The following MCU variants were observed in gnomAD, a reference collection of about 807,000 sequenced individuals.
The protein encoded by MCU is mitochondrial calcium uniporter.
A neutral mutation model predicts 45.2 loss-of-function variants in MCU; 12 were observed. That is an observed-to-expected ratio of 0.27 (90% CI 0.17 to 0.43). MCU has a LOEUF of 0.43. Ranked by LOEUF, MCU falls within the 20% of genes least tolerant of loss-of-function variation. MCU has a pLI of 1.00. For synonymous variants in MCU, 160 were observed against 165.1 expected, an observed-to-expected ratio of 0.97 and a Z score of 0.24; for missense variants, 324 against 436.7, an observed-to-expected ratio of 0.74 and a Z score of 2.30.
intron 1 of MCU, among the ~76,000 whole-genome samples, chr10:72,700,085 G>A (rs1278044307): frequency 1.4e-5 from 2 of 146,518 alleles, no homozygotes; most frequent in Non-Finnish European, 3.0e-5. Flanking sequence ...TTGAGATGGA[G>A]TTTCGCTGTT....
rs548177408 is a variant in MCU at position 72,805,178 on chromosome 10, T to C, written c.151-29181T>C. On this transcript the variant is annotated intron_variant, in intron 1 of 7. Transcript: ENST00000373053. ...TTCTTTCTGTCTCTCTCTCTCTCTC[T>C]TTCCTTCCTTCCTTCCTTCCTTCCT... Among the ~76,000 whole-genome samples, 20 of 140,426 alleles carry C rather than the reference T, an allele frequency of 1.4e-4. 2 individuals are homozygous for C. Among genetic ancestry groups the C allele is most frequent in the African/African-American group, 5.6e-4 (18 of 32,314 alleles). 92.1% of individuals were successfully genotyped at this position (140,426 alleles called of 152,430 possible). A position where few individuals can be genotyped will look rare whatever the true frequency, so the allele number is the denominator to read the frequency against.
chr10:72,806,806 C>T (rs957869857), intron 1 of MCU, among the ~76,000 whole-genome samples: 4 of 152,062 alleles, frequency 2.6e-5, no homozygotes, highest in Admixed American at 6.6e-5. Context: ...TGAGAAGGAA[C>T]CAATCATGCA....
chr10:72,860,161 G>A, intron 3 of MCU: 2 of 372,010 alleles, frequency 5.4e-6, no homozygotes, highest in Non-Finnish European at 1.0e-5. Flanking sequence ...GATTTCCAAT[G>A]TACACCTATA....
chr10:72,758,119 T>A (rs1388994881), intron 1 of MCU, among the ~76,000 whole-genome samples: 2 of 152,210 alleles, frequency 1.3e-5, no homozygotes, highest in African/African-American at 4.8e-5. Flanking sequence ...TTGTCTCCAG[T>A]AAAGGAGAAT....
At chr10:72,694,424 T>A (rs1463957011) in intron 1 of MCU, among the ~76,000 whole-genome samples, 1 of 152,246 alleles carries the variant, frequency 6.6e-6, no homozygotes, top group East Asian at 1.9e-4. Flanking sequence ...GTTCTTTTCA[T>A]TGTAAAGTGC....
intron 2 of MCU, among the ~76,000 whole-genome samples, chr10:72,843,690 G>GT (rs1304607147): frequency 1.3e-5 from 2 of 152,104 alleles, no homozygotes; most frequent in African/African-American, 4.8e-5. Context: ...GTAGCAATAT[G>GT]TTTATTTTTG....
chr10:72,843,333 C>G (rs1375990800), intron 2 of MCU, among the ~76,000 whole-genome samples: 1 of 152,192 alleles, frequency 6.6e-6, no homozygotes, highest in African/African-American at 2.4e-5. Context: ...TAACTCCTGG[C>G]AGGCAGGTAC....
intron 4 of MCU, among the ~76,000 whole-genome samples, chr10:72,864,083 G>A (rs2132875207): frequency 6.6e-6 from 1 of 152,250 alleles, no homozygotes; most frequent in Admixed American, 6.5e-5. Context: ...GCATAAAATT[G>A]ACTCTGGTAC....
chr10:72,722,409 T>G (rs1180365884), intron 1 of MCU, among the ~76,000 whole-genome samples: 2 of 151,736 alleles, frequency 1.3e-5, no homozygotes, highest in Non-Finnish European at 1.5e-5. Flanking sequence ...TCTTTTTCTT[T>G]TCTGTTTTAT....
intron 1 of MCU, among the ~76,000 whole-genome samples, chr10:72,815,586 A>G (rs907333095): frequency 6.6e-6 from 1 of 152,192 alleles, no homozygotes; most frequent in African/African-American, 2.4e-5. Flanking sequence ...CAATAGAGGA[A>G]TGTTGACCAT....
chr10:72,823,711 G>C (rs1283779227), intron 1 of MCU, among the ~76,000 whole-genome samples: 1 of 152,152 alleles, frequency 6.6e-6, no homozygotes, highest in Non-Finnish European at 1.5e-5. Flanking sequence ...GGTAGAGAAA[G>C]AGAATAGAGG....
intron 5 of MCU, among the ~76,000 whole-genome samples, chr10:72,869,269 A>ATT (rs1467832495): frequency 6.6e-6 from 1 of 152,170 alleles, no homozygotes; most frequent in Non-Finnish European, 1.5e-5. Flanking sequence ...GAGAGAAGAT[A>ATT]TTTGCAGGGG....
intron 2 of MCU, among the ~76,000 whole-genome samples, chr10:72,840,304 C>T (rs1450682208): frequency 6.6e-6 from 1 of 152,124 alleles, no homozygotes; most frequent in African/African-American, 2.4e-5. Flanking sequence ...AACATCTTTT[C>T]ATGTGTTTAT....
chr10:72,779,015 G>T (rs1050140607), intron 1 of MCU, among the ~76,000 whole-genome samples: 66 of 152,248 alleles, frequency 4.3e-4, no homozygotes, highest in African/African-American at 1.5e-3. Context: ...CTGTTGCTGG[G>T]TTGGAGTGCT....
intron 1 of MCU, among the ~76,000 whole-genome samples, chr10:72,709,477 A>G (rs1842863054): frequency 6.6e-6 from 1 of 152,150 alleles, no homozygotes; most frequent in Admixed American, 6.5e-5. Context: ...ATACCAGGTT[A>G]TGTCTTTCTT....
chr10:72,744,819 AT>A (rs1173261711), intron 1 of MCU, among the ~76,000 whole-genome samples: 1 of 152,216 alleles, frequency 6.6e-6, no homozygotes, highest in East Asian at 1.9e-4. Context: ...TGAGTTGGAG[AT>A]CATTAAACGA....
intron 1 of MCU, among the ~76,000 whole-genome samples, chr10:72,799,756 C>G (rs924624408): frequency 2.5e-4 from 38 of 152,086 alleles, no homozygotes; most frequent in African/African-American, 8.7e-4. Flanking sequence ...TAATAAATGT[C>G]ATTATTATTA....
chr10:72,752,971 C>T (rs1843524034), intron 1 of MCU, among the ~76,000 whole-genome samples: 1 of 152,186 alleles, frequency 6.6e-6, no homozygotes, highest in Non-Finnish European at 1.5e-5. Flanking sequence ...TCATAACAGT[C>T]TGCTGGTTTC....
At position 72,837,856 on chromosome 10, in the gene MCU, GTTTTTTTTTT is replaced by G. The variant is rs765624802; in HGVS notation, c.220+3438_220+3447del. On this transcript the variant is annotated intron_variant, in intron 2 of 7. Transcript: ENST00000373053. ...GAGTGAAAGGAGATGCCCAATACTGGTTTTTTTTTTTTTTTTTTTGAGACCGAGTCTCACT... is the reference window on the plus strand; with the variant it reads ...GAGTGAAAGGAGATGCCCAATACTGGTTTTTTTTTGAGACCGAGTCTCACT... 6.7e-3 allele frequency among the ~76,000 whole-genome samples: 879 copies of G among 132,018 alleles called. 11 individuals carry two copies. The highest frequency in any genetic ancestry group is 0.023 in the African/African-American group (828 of 35,864). The allele number at this position is 132,018 out of a possible 152,430, so 86.6% of individuals were successfully genotyped here.
Sources: gnomAD v4.1 joint callset for allele counts (sites outside exome capture counted in the v4.1 genomes callset) on GRCh38, gnomAD v4.1.1 for gene constraint, MANE v1.5 for transcripts, NCBI Gene and HGNC (gene_info 2026-07-23, HGNC 2026-07-21) for gene names.